The following TRAK1 variants were observed in gnomAD, a reference collection of about 807,000 sequenced individuals.
TRAK1 encodes trafficking kinesin-binding protein 1.
A neutral mutation model predicts 92.1 loss-of-function variants in TRAK1; 33 were observed. The observed-to-expected ratio is 0.36, with a 90% CI of 0.27 to 0.48. The LOEUF (loss-of-function observed/expected upper bound fraction) is 0.48, where lower values mean the gene tolerates loss of function less well. Among genes scored for constraint, TRAK1 ranks in the 20% least tolerant of loss-of-function variants. The pLI is 0.99. For synonymous variants in TRAK1, 521 were observed against 517.3 expected, an observed-to-expected ratio of 1.01 and a Z score of -0.10; for missense variants, 1,123 against 1,257.9, an observed-to-expected ratio of 0.89 and a Z score of 1.62.
At chr3:42,200,521 A>G (rs188580846) in intron 11 of TRAK1, among the ~76,000 whole-genome samples, 56 of 152,296 alleles carry the variant, frequency 3.7e-4, no homozygotes, top group Non-Finnish European at 6.2e-4. Context: ...AAGTATTTTT[A>G]TTTGTGGGTT....
chr3:42,052,973 TA>T (rs771289923), intron 1 of TRAK1, among the ~76,000 whole-genome samples: 1 of 152,164 alleles, frequency 6.6e-6, no homozygotes, highest in Non-Finnish European at 1.5e-5. Flanking sequence ...GGACCTCTGT[TA>T]AGGGGAAAGA....
chr3:42,076,917 C>CT (rs1485378448), intron 1 of TRAK1, among the ~76,000 whole-genome samples: 1 of 152,018 alleles, frequency 6.6e-6, no homozygotes, highest in Non-Finnish European at 1.5e-5. Flanking sequence ...TTATTGTTGG[C>CT]TTTGTGAAAG....
At position 42,056,399 on chromosome 3, in the gene TRAK1, T is replaced by C. The variant is rs114024447; in HGVS notation, c.-518-30705T>C. Among the ~76,000 whole-genome samples the C allele has an allele frequency of 4.6e-3, 705 of 152,346 alleles. 1 individual carries two copies. The highest frequency in any genetic ancestry group is 0.014 in the South Asian group (69 of 4,826). On this transcript the variant is annotated intron_variant, in intron 1 of 16. Coordinates refer to the TRAK1 transcript ENST00000487159. The stretch of plus-strand genomic sequence containing the variant: ...ATCCTTGTGGGTATGAAGTGGTATC[T>C]CATTATGGTTTTGATTTGCATTTTC...
In TRAK1 at chr3:42,116,763, G is replaced by A. The variant is rs73828544; in HGVS notation, c.92-8657G>A. On this transcript the variant is annotated intron_variant, in intron 1 of 15. Transcript: ENST00000327628. The stretch of plus-strand genomic sequence containing the variant: ...CATGCTCTGCACCCACCTCTCTGAT[G>A]GCCAAGTGGAAAGTTGGTGGGTAAA... 2.6e-3 allele frequency among the ~76,000 whole-genome samples: 402 copies of A among 152,258 alleles called. 2 individuals carry two copies. The highest frequency in any genetic ancestry group is 9.3e-3 in the African/African-American group (387 of 41,550).
chr3:42,210,403 TAAAAAAAA>T (rs10717713), intron 14 of TRAK1: 1 of 1,077,882 alleles, frequency 9.3e-7, no homozygotes. Flanking sequence ...GAAAGGCTGC[TAAAAAAAA>T]AAAAAAAAAA....
chr3:42,171,319 G>A (rs972513235), intron 2 of TRAK1, among the ~76,000 whole-genome samples: 159 of 152,142 alleles, frequency 1.0e-3, no homozygotes, highest in Non-Finnish European at 1.6e-3. Context: ...AGAGTTATTC[G>A]TTCTAACAAC....
In TRAK1 at chr3:42,219,793, T is replaced by TG. The variant is rs1420758311; in HGVS notation, c.2066+197_2066+198insG. Among the ~76,000 whole-genome samples the TG allele has an allele frequency of 1.6e-3, 218 of 135,676 alleles. 4 individuals are homozygous for TG. The highest frequency in any genetic ancestry group is 5.7e-3 in the African/African-American group (195 of 34,002). 89.0% of individuals were successfully genotyped at this position (135,676 alleles called of 152,430 possible). A position where few individuals can be genotyped will look rare whatever the true frequency, so the allele number is the denominator to read the frequency against. On this transcript the variant is annotated intron_variant, in intron 15 of 15. Coordinates refer to ENST00000327628, the MANE Select transcript of TRAK1 (RefSeq NM_001042646.3). ...CTTTTGTTGTTGTTATGTGTTTTTT[T>TG]TTTTTTTTTTTTTTTTTTTTGAGGC...
chr3:42,039,044 A>G (rs1267617200), intron 1 of TRAK1, among the ~76,000 whole-genome samples: 1 of 152,094 alleles, frequency 6.6e-6, no homozygotes, highest in African/African-American at 2.4e-5. Flanking sequence ...TATCCCACGT[A>G]AAACATAATC....
chr3:42,085,765 C>T (rs904123398), upstream of TRAK1, among the ~76,000 whole-genome samples: 3 of 152,082 alleles, frequency 2.0e-5, no homozygotes, highest in African/African-American at 7.2e-5. Flanking sequence ...AGTTATTGAG[C>T]CTCCTAAAGC....
chr3:42,169,246 T>C (rs953693064), intron 2 of TRAK1, among the ~76,000 whole-genome samples: 11 of 152,192 alleles, frequency 7.2e-5, no homozygotes, highest in Admixed American at 6.5e-5. Context: ...TGTGTTTTTT[T>C]TTCTGAGCAT....
At chr3:42,087,893 C>T (rs1704762169), upstream of TRAK1, among the ~76,000 whole-genome samples, 1 of 152,204 alleles carries the variant, frequency 6.6e-6, no homozygotes, top group Non-Finnish European at 1.5e-5. Flanking sequence ...ATACCTGTGT[C>T]AGTCATAACT....
intron 2 of TRAK1, chr3:42,160,246 G>A: frequency 6.5e-7 from 1 of 1,528,360 alleles, no homozygotes; most frequent in Non-Finnish European, 8.8e-7. Flanking sequence ...CCCAGGCCAG[G>A]GCGCAGTGTG....
intron 2 of TRAK1, among the ~76,000 whole-genome samples, chr3:42,171,385 A>G (rs911112248): frequency 7.9e-5 from 12 of 152,230 alleles, no homozygotes; most frequent in South Asian, 2.1e-4. Flanking sequence ...TTTTCTAACT[A>G]TATTTTCTTA....
intron 1 of TRAK1, among the ~76,000 whole-genome samples, chr3:42,069,168 C>T (rs1045962698): frequency 6.6e-6 from 1 of 151,064 alleles, no homozygotes; most frequent in Non-Finnish European, 1.5e-5. Context: ...TGTGTATATA[C>T]ACACACACAC....
intron 3 of TRAK1, among the ~76,000 whole-genome samples, chr3:42,183,568 A>AAAAAAAAAAG (rs1553751625): frequency 1.7e-4 from 25 of 145,302 alleles, no homozygotes; most frequent in South Asian, 2.2e-4. Context: ...AAAAAAAAAA[A>AAAAAAAAAAG]AAAGAAAGAA....
intron 1 of TRAK1, among the ~76,000 whole-genome samples, chr3:42,057,626 TG>T (rs561836112): frequency 3.3e-4 from 51 of 152,252 alleles, no homozygotes; most frequent in Non-Finnish European, 5.9e-4. Flanking sequence ...TTATGTTTGC[TG>T]GTGATGCTGT....
At chr3:42,101,027 C>T (rs910286172) in intron 1 of TRAK1, among the ~76,000 whole-genome samples, 4 of 152,252 alleles carry the variant, frequency 2.6e-5, no homozygotes, top group Admixed American at 2.0e-4. Context: ...GGAGTGCTAA[C>T]AGCCTCCAAA....
At chr3:42,079,792 T>C (rs1345370633) in intron 1 of TRAK1, among the ~76,000 whole-genome samples, 1 of 152,108 alleles carries the variant, frequency 6.6e-6, no homozygotes, top group Non-Finnish European at 1.5e-5. Context: ...GAAGCTCCTT[T>C]TTTTTTGTTG....
chr3:42,201,515 A>G (rs866082358), intron 12 of TRAK1, among the ~76,000 whole-genome samples: 1 of 152,018 alleles, frequency 6.6e-6, no homozygotes. Flanking sequence ...TACCCACTTG[A>G]GCCTATGCCT....
Sources: gnomAD v4.1 joint callset for allele counts (sites outside exome capture counted in the v4.1 genomes callset) on GRCh38, gnomAD v4.1.1 for gene constraint, MANE v1.5 for transcripts, NCBI Gene and HGNC (gene_info 2026-07-23, HGNC 2026-07-21) for gene names.